ITPA: variants seen among roughly 807,000 people sequenced by gnomAD.
ITPA encodes inosine triphosphate pyrophosphatase.
In ITPA, 29 loss-of-function variants were observed where a neutral mutation model predicts 29.6. The observed-to-expected ratio is 0.98, with a 90% CI of 0.73 to 1.34. The LOEUF (loss-of-function observed/expected upper bound fraction) is 1.34. Among genes scored for constraint, ITPA ranks in the 40% most tolerant of loss-of-function variants. The pLI, the probability that ITPA is intolerant of heterozygous loss-of-function variation, is 0.00. For synonymous variants in ITPA, 103 were observed against 99.3 expected (o/e 1.04, Z -0.22); for missense variants, 241 against 251.5 (o/e 0.96, Z 0.28).
At chr20:3,225,735 AT>A (rs1202148209), downstream of ITPA, among the ~76,000 whole-genome samples, 1 of 152,220 alleles carries the variant, frequency 6.6e-6, no homozygotes, top group Non-Finnish European at 1.5e-5. Context: ...AAATAAAAAA[AT>A]AAAAAATTTA....
upstream of ITPA, among the ~76,000 whole-genome samples, chr20:3,206,235 AAAATT>A (rs1367085260): frequency 6.6e-6 from 1 of 150,630 alleles, no homozygotes; most frequent in Non-Finnish European, 1.5e-5. Flanking sequence ...CTAAAAATAC[AAAATT>A]AGCTTGGCGT....
chr20:3,213,656 C>T (rs1270999466), intron 3 of ITPA, among the ~76,000 whole-genome samples: 2 of 152,148 alleles, frequency 1.3e-5, no homozygotes, highest in Non-Finnish European at 2.9e-5. Context: ...TCCAGCCCTA[C>T]ATCCTCCCCA....
chr20:3,222,169 T>C (rs2067481887), intron 7 of ITPA, among the ~76,000 whole-genome samples: 1 of 151,500 alleles, frequency 6.6e-6, no homozygotes, highest in African/African-American at 2.4e-5. Flanking sequence ...ACATCAGCTG[T>C]GTAGCCAGTG....
chr20:3,218,690 G>C, intron 6 of ITPA, 58 bp downstream of exon 6: 1 of 1,337,612 alleles, frequency 7.5e-7, no homozygotes, highest in Non-Finnish European at 1.1e-6. Context: ...GCCGCGACCC[G>C]AGCCGACCGC....
At chr20:3,221,716 A>G (rs898452041) in intron 6 of ITPA, 125 bp from the exon 7 acceptor site, 8 of 846,778 alleles carry the variant, frequency 9.4e-6, no homozygotes, top group Non-Finnish European at 1.6e-5. Flanking sequence ...GGGCCTTGCA[A>G]CTACATTTTG....
chr20:3,217,928 T>C (rs2067348511), intron 5 of ITPA, among the ~76,000 whole-genome samples: 1 of 151,608 alleles, frequency 6.6e-6, no homozygotes, highest in African/African-American at 2.4e-5. Flanking sequence ...TTTTGTTTTT[T>C]CTTTCCTGAG....
chr20:3,209,486 C>T, upstream of ITPA: 1 of 1,458,916 alleles, frequency 6.9e-7, no homozygotes, highest in Non-Finnish European at 9.6e-7. The surrounding 1 kb of genome is among the most constrained non-coding windows in gnomAD (Gnocchi z 4.6). Flanking sequence ...CGCCACCAGC[C>T]GGAAGTTTTC....
chr20:3,220,390 C>T (rs1023186396), intron 6 of ITPA, among the ~76,000 whole-genome samples: 6 of 151,808 alleles, frequency 4.0e-5, no homozygotes, highest in African/African-American at 1.5e-4. Context: ...GGATTATAGG[C>T]GTGAGCAAAA....
At chr20:3,222,896 A>G (rs2067501707) in intron 7 of ITPA, among the ~76,000 whole-genome samples, 1 of 152,198 alleles carries the variant, frequency 6.6e-6, no homozygotes, top group African/African-American at 2.4e-5. Context: ...TCTTGCACAG[A>G]GCAGTCTGCA....
chr20:3,213,311 C>G lies in ITPA; in HGVS notation c.125-8C>G. The G allele has an allele frequency of 3.1e-6, 5 of 1,614,098 alleles. No individual in the cohort carries two copies. Among genetic ancestry groups the G allele is most frequent in the Non-Finnish European group, 4.2e-6 (5 of 1,179,984 alleles). On this transcript the variant is annotated splice_region_variant and splice_polypyrimidine_tract_variant and intron_variant, in intron 2 of 7. Coordinates refer to ENST00000380113, the MANE Select transcript of ITPA (RefSeq NM_033453.4). ...CCTGACTTTCTGTGTGTCTGTTTCCCTGATAAGTGCCGGAGTACCAGGGGG... is the reference window on the plus strand; with the variant it reads ...CCTGACTTTCTGTGTGTCTGTTTCCGTGATAAGTGCCGGAGTACCAGGGGG...
rs766668623 is a variant in ITPA at position 3,213,397 on chromosome 20, C to T, written c.189+14C>T. ...GCAGTTCGCCAGGTGCTTGCCCTGC[C>T]CTTGTCCCACACTTGCTCTTCTTGT... On this transcript the variant is annotated intron_variant, in intron 3 of 7. Transcript: ENST00000380113. The T allele has an allele frequency of 1.9e-6, 3 of 1,613,426 alleles. No individual in the cohort carries two copies. The highest frequency in any genetic ancestry group is 2.2e-5 in the East Asian group (1 of 44,892).
At chr20:3,227,440 T>G, downstream of ITPA, 2 of 329,144 alleles carry the variant, frequency 6.1e-6, no homozygotes, top group Non-Finnish European at 1.2e-5. Flanking sequence ...ACAGGAGCTT[T>G]ATTCTCTAAT....
intron 5 of ITPA, among the ~76,000 whole-genome samples, chr20:3,217,212 G>A (rs1301666251): frequency 6.6e-6 from 1 of 152,020 alleles, no homozygotes; most frequent in African/African-American, 2.4e-5. Context: ...TTACATTATA[G>A]AGCATTTCAA....
chr20:3,224,910 A>G (rs548654058), downstream of ITPA, among the ~76,000 whole-genome samples: 14 of 152,310 alleles, frequency 9.2e-5, 1 homozygote, highest in East Asian at 1.9e-3. Context: ...GATACTGTGA[A>G]GTATATATCT....
rs140959437 is a variant in ITPA at position 3,216,253 on chromosome 20, G to A, written c.295+941G>A. Among the ~76,000 whole-genome samples the A allele has an allele frequency of 5.1e-3, 748 of 145,906 alleles. 7 individuals carry two copies. Among genetic ancestry groups the A allele is most frequent in the African/African-American group, 0.018 (704 of 39,000 alleles). ...CGGCTCACTCCAACCTCCACTTCCC[G>A]GATTCAAGCGATTCTCCTGCCTCAG... On this transcript the variant is annotated intron_variant, in intron 5 of 7. Transcript: ENST00000380113.
At chr20:3,224,767 A>G (rs538648006), downstream of ITPA, among the ~76,000 whole-genome samples, 34 of 152,282 alleles carry the variant, frequency 2.2e-4, no homozygotes, top group Non-Finnish European at 4.7e-4. Context: ...GAAGAATCAC[A>G]TGCTGCCTGG....
At chr20:3,204,413 C>A (rs570721460), upstream of ITPA, 4 of 963,604 alleles carry the variant, frequency 4.2e-6, no homozygotes, top group Admixed American at 5.1e-5. Context: ...GACTAGCGCA[C>A]GGACGCGCAT....
chr20:3,216,776 C>T (rs756532941), intron 5 of ITPA, among the ~76,000 whole-genome samples: 1 of 151,282 alleles, frequency 6.6e-6, no homozygotes, highest in Non-Finnish European at 1.5e-5. Context: ...TTAGTAGACA[C>T]GGAGTTTCGC....
downstream of ITPA, among the ~76,000 whole-genome samples, chr20:3,225,419 T>A (rs1375308325): frequency 6.6e-6 from 1 of 152,094 alleles, no homozygotes; most frequent in African/African-American, 2.4e-5. Flanking sequence ...GGCTGAAGGT[T>A]CAGTTGATAA....
Sources: allele counts gnomAD v4.1 joint callset (sites outside exome capture counted in the v4.1 genomes callset), GRCh38; gene constraint gnomAD v4.1.1; non-coding constraint Gnocchi (gnomAD v3.1); transcripts MANE v1.5; gene names NCBI Gene and HGNC (gene_info 2026-07-23, HGNC 2026-07-21).